Variants in MFSD2A observed in about 807,000 individuals in gnomAD.
The protein encoded by MFSD2A is MFSD2 lysolipid transporter A, lysophospholipid.
Under a neutral mutation model 64.7 loss-of-function variants are expected in MFSD2A, and 27 were observed. The ratio of observed to expected loss-of-function variants is 0.42; its 90% CI spans 0.31 to 0.58. The LOEUF (loss-of-function observed/expected upper bound fraction) is 0.58. Among genes scored for constraint, MFSD2A ranks in the 20% least tolerant of loss-of-function variants. MFSD2A has a pLI of 0.18. For missense variants in MFSD2A, 474 were observed against 679.5 expected, an observed-to-expected ratio of 0.70 and a Z score of 3.36; for synonymous variants, 258 against 273.4, an observed-to-expected ratio of 0.94 and a Z score of 0.55.
intron 3 of MFSD2A, among the ~76,000 whole-genome samples, chr1:39,959,214 ATCTT>A (rs1644985154): frequency 6.8e-6 from 1 of 147,580 alleles, no homozygotes; most frequent in South Asian, 2.2e-4. Context: ...TATTATTTTT[ATCTT>A]TCTTTCTCTT....
Position 39,955,336 on chromosome 1 carries a change from T to A in MFSD2A, c.44T>A (p.Leu15Gln). ...GCCGAGAGCGGCTCCGCGGCGGGGC[T>A]GCTACCCACCAGCATCCTCCAAAGC... Reference protein sequence around the residue: ...EGAESGSAAGLLPTSILQSTE... With the variant: ...EGAESGSAAGQLPTSILQSTE... Residue 15 changes from leucine (L) to glutamine (Q), a missense_variant, in exon 1 of 14, where the codon CTG (leucine) becomes CAG (glutamine). Physicochemically the swap from Leu to Gln is moderately radical, Grantham distance 113. Transcript: ENST00000372811. The surrounding 1 kb of genome is among the most constrained non-coding windows in gnomAD (Gnocchi z 5.9). The A allele has an allele frequency of 6.9e-7, 1 of 1,446,166 alleles. No individual in the cohort carries two copies. The highest frequency in any genetic ancestry group is 1.5e-5 in the South Asian group (1 of 65,756). 89.6% of individuals were successfully genotyped at this position (1,446,166 alleles called of 1,614,324 possible). A position where few individuals can be genotyped will look rare whatever the true frequency, so the allele number is the denominator to read the frequency against.
chr1:39,966,044 G>T, intron 6 of MFSD2A, 30 bp downstream of exon 6: 1 of 1,612,460 alleles, frequency 6.2e-7, no homozygotes, highest in Non-Finnish European at 8.5e-7. Context: ...AGGGATTTGG[G>T]GAGATAAGGA....
In MFSD2A at chr1:39,955,908, C is replaced by A; in HGVS notation, c.93+523C>A. On this transcript the variant is annotated intron_variant, in intron 1 of 13. Coordinates refer to ENST00000372811, the MANE Select transcript of MFSD2A (RefSeq NM_032793.5). This position sits in a 1 kb window ranked among gnomAD's most constrained non-coding sequence, Gnocchi z 5.9. ...TGTGGATGTTCGCGCGGGAACGGTGCTTTGCGCATCGAGACCATCGACCAC... is the reference window on the plus strand; with the variant it reads ...TGTGGATGTTCGCGCGGGAACGGTGATTTGCGCATCGAGACCATCGACCAC... The A allele has an allele frequency of 4.4e-6, 1 of 225,836 alleles. No individual in the cohort carries two copies. Among genetic ancestry groups the A allele is most frequent in the Non-Finnish European group, 9.2e-6 (1 of 108,442 alleles). 14.0% of individuals were successfully genotyped at this position (225,836 alleles called of 1,614,324 possible).
Position 39,965,537 on chromosome 1 carries a change from G to T in MFSD2A, c.544G>T (p.Ala182Ser). 6.2e-7 allele frequency: 1 copy of T among 1,614,024 alleles called. No homozygotes were observed. The highest frequency in any genetic ancestry group is 8.5e-7 in the Non-Finnish European group (1 of 1,179,988). The change falls in exon 5 of 14, where the codon GCC becomes TCC. Residue 182 changes from alanine (A) to serine (S), a missense_variant. Ala to Ser is a moderately conservative substitution (Grantham distance 99, BLOSUM62 1). Transcript: ENST00000372811. This position sits in a 1 kb window ranked among gnomAD's most constrained non-coding sequence, Gnocchi z 5.5. ...ISTEQTERDS[A>S]TAYRMTVEVL... is the part of the protein sequence containing the mutation. ...CACCGAGCAGACTGAGCGGGATTCTGCCACCGCCTATCGTGAGTCTCCCCA... is the reference window on the plus strand; with the variant it reads ...CACCGAGCAGACTGAGCGGGATTCTTCCACCGCCTATCGTGAGTCTCCCCA...
Position 39,964,817 on chromosome 1 carries a change from G to T in MFSD2A, c.354-394G>T, listed in dbSNP as rs1036588362. The T allele has an allele frequency of 8.2e-6, 2 of 243,154 alleles. No individual in the cohort carries two copies. The highest frequency in any genetic ancestry group is 5.1e-5 in the Admixed American group (1 of 19,656). 15.1% of individuals were successfully genotyped at this position (243,154 alleles called of 1,614,324 possible). ...TGAATGGGGTGTGTGTGTGAATGGG[G>T]TGTGTGTGTGCGGTTGATGACTATC... On this transcript the variant is annotated intron_variant, in intron 3 of 13. Transcript: ENST00000372811. This position sits in a 1 kb window ranked among gnomAD's most constrained non-coding sequence, Gnocchi z 4.1.
At position 39,963,306 on chromosome 1, in the gene MFSD2A, G is replaced by C. The variant is rs906274550; in HGVS notation, c.354-1905G>C. On this transcript the variant is annotated intron_variant, in intron 3 of 13. Transcript: ENST00000372811. The surrounding 1 kb of genome is among the most constrained non-coding windows in gnomAD (Gnocchi z 4.2). ...TAAGACCTACAGCTACCTGACCCCC[G>C]ACCTCTGGAAGGAGACTGTATTCAC... The C allele has an allele frequency of 1.5e-6, 2 of 1,316,096 alleles. No homozygotes were observed. The highest frequency in any genetic ancestry group is 2.1e-6 in the Non-Finnish European group (2 of 934,456). 81.5% of individuals were successfully genotyped at this position (1,316,096 alleles called of 1,614,324 possible).
chr1:39,963,390 G>A lies in MFSD2A; in HGVS notation c.354-1821G>A. 1.5e-6 allele frequency: 1 copy of A among 673,160 alleles called. No homozygotes were observed. Among genetic ancestry groups the A allele is most frequent in the South Asian group, 1.8e-5 (1 of 56,990 alleles). The allele number at this position is 673,160 out of a possible 1,614,324, so 41.7% of individuals were successfully genotyped here. On this transcript the variant is annotated intron_variant, in intron 3 of 13. Transcript: ENST00000372811. This position sits in a 1 kb window ranked among gnomAD's most constrained non-coding sequence, Gnocchi z 4.2. ...CATCAAGACCCACCAGGCTCCAGCT[G>A]TGGCTACAACATAGGGTTTTTATAC...
chr1:39,958,526 A>G lies in MFSD2A; in HGVS notation c.229-175A>G, dbSNP rs2124758394. ...CACCCAGTGCTACTGTTATTGGAGA[A>G]ATGCTATTGTCATTATTAACAAGGC... On this transcript the variant is annotated intron_variant, in intron 2 of 13. Coordinates refer to ENST00000372811, the MANE Select transcript of MFSD2A (RefSeq NM_032793.5). The surrounding 1 kb of genome is among the most constrained non-coding windows in gnomAD (Gnocchi z 4.7). 6.3e-6 allele frequency: 6 copies of G among 954,418 alleles called. No individual in the cohort carries two copies. The highest frequency in any genetic ancestry group is 4.6e-5 in the South Asian group (3 of 65,782). 59.1% of individuals were successfully genotyped at this position (954,418 alleles called of 1,614,324 possible).
At chr1:39,966,573 C>T (rs764368879) in intron 6 of MFSD2A, 28 bp from the exon 7 acceptor site, 1 of 1,587,472 alleles carries the variant, frequency 6.3e-7, no homozygotes, top group East Asian at 2.2e-5. Context: ...ACTGACCATC[C>T]TTGTATGTCG....
At chr1:39,956,983 T>G in intron 1 of MFSD2A, 104 bp from the exon 2 acceptor site, 5 of 1,131,130 alleles carry the variant, frequency 4.4e-6, no homozygotes, top group East Asian at 2.6e-5. Flanking sequence ...CAAAGCAGAG[T>G]TGTTTGTTCT....
intron 3 of MFSD2A, among the ~76,000 whole-genome samples, chr1:39,961,014 T>C (rs1042568858): frequency 6.6e-6 from 1 of 152,154 alleles, no homozygotes; most frequent in Non-Finnish European, 1.5e-5. Context: ...GGGGTCTGGC[T>C]ATGTTGCTCA....
chr1:39,965,647 G>A lies in MFSD2A; in HGVS notation c.556+98G>A, dbSNP rs2124775505. On this transcript the variant is annotated intron_variant, in intron 5 of 13. Transcript: ENST00000372811. This position sits in a 1 kb window ranked among gnomAD's most constrained non-coding sequence, Gnocchi z 5.5. Reference sequence around the variant, plus strand: ...GCTCTTTGCTCTGCTCTAGAGTGTGGGTGTGAAACCATCTTAAAAATAACT... The same window carrying A: ...GCTCTTTGCTCTGCTCTAGAGTGTGAGTGTGAAACCATCTTAAAAATAACT... 1.5e-6 allele frequency: 2 copies of A among 1,349,922 alleles called. No homozygotes were observed. Among genetic ancestry groups the A allele is most frequent in the African/African-American group, 1.4e-5 (1 of 69,322 alleles). 83.6% of individuals were successfully genotyped at this position (1,349,922 alleles called of 1,614,324 possible).
chr1:39,965,759 C>A lies in MFSD2A; in HGVS notation c.557-98C>A. The stretch of plus-strand genomic sequence containing the variant: ...ACCTACCCCACTACCTCTACCCACC[C>A]TGCCTGGAGCTACCGCTGGGCTCCC... On this transcript the variant is annotated intron_variant, in intron 5 of 13. Transcript: ENST00000372811. The surrounding 1 kb of genome is among the most constrained non-coding windows in gnomAD (Gnocchi z 5.5). 6.7e-7 allele frequency: 1 copy of A among 1,503,504 alleles called. No homozygotes were observed. Among genetic ancestry groups the A allele is most frequent in the Non-Finnish European group, 9.1e-7 (1 of 1,098,180 alleles). 93.1% of individuals were successfully genotyped at this position (1,503,504 alleles called of 1,614,324 possible).
rs747382364 is a variant in MFSD2A, at chr1:39,966,837, C to A, written c.832C>A (p.Pro278Thr). The A allele has an allele frequency of 6.2e-7, 1 of 1,614,052 alleles. No individual in the cohort carries two copies. Among genetic ancestry groups the A allele is most frequent in the Non-Finnish European group, 8.5e-7 (1 of 1,180,024 alleles). Reference protein sequence around the residue: ...REPYEAQQSEPIAYFRGLRLV... With the variant: ...REPYEAQQSETIAYFRGLRLV... ...ACCCTATGAAGCCCAGCAGTCTGAG[C>A]CAATCGCCTACTTCCGGGGCCTACG... Residue 278 changes from proline to threonine, a missense_variant, in exon 8 of 14, where the codon CCA becomes ACA. By Grantham distance (38) the Pro-to-Thr change is conservative. Transcript: ENST00000372811.
Position 39,964,212 on chromosome 1 carries a change from GTA to G in MFSD2A, c.354-992_354-991del, listed in dbSNP as rs1258843447. 1 of 152,210 alleles carries G rather than the reference GTA, an allele frequency of 6.6e-6. No individual in the cohort carries two copies. Among genetic ancestry groups the G allele is most frequent in the African/African-American group, 2.4e-5 (1 of 41,444 alleles). The allele number at this position is 152,210 out of a possible 1,614,324, so 9.4% of individuals were successfully genotyped here. A position where few individuals can be genotyped will look rare whatever the true frequency, so the allele number is the denominator to read the frequency against. The stretch of plus-strand genomic sequence containing the variant: ...TTTTATTCCTTATGAAGGTTGAATG[GTA>G]TATATAACTTTTAAATTATGTCAAC... On this transcript the variant is annotated intron_variant, in intron 3 of 13. Coordinates refer to ENST00000372811, the MANE Select transcript of MFSD2A (RefSeq NM_032793.5). This position sits in a 1 kb window ranked among gnomAD's most constrained non-coding sequence, Gnocchi z 4.1.
rs932413720 is a variant in MFSD2A at position 39,958,504 on chromosome 1, C to T, written c.229-197C>T. The stretch of plus-strand genomic sequence containing the variant: ...GCTGGGAAAGCTTCTAAGGAGGCAC[C>T]CAGTGCTACTGTTATTGGAGAAATG... On this transcript the variant is annotated intron_variant, in intron 2 of 13. Transcript: ENST00000372811. The surrounding 1 kb of genome is among the most constrained non-coding windows in gnomAD (Gnocchi z 4.7). Among the ~76,000 whole-genome samples, 1 of 152,030 alleles carries T rather than the reference C, an allele frequency of 6.6e-6. No homozygotes were observed. The highest frequency in any genetic ancestry group is 2.4e-5 in the African/African-American group (1 of 41,382).
At position 39,964,084 on chromosome 1, in the gene MFSD2A, T is replaced by C. The variant is rs546472318; in HGVS notation, c.354-1127T>C. 1 of 152,876 alleles carries C rather than the reference T, an allele frequency of 6.5e-6. No homozygotes were observed. Among genetic ancestry groups the C allele is most frequent in the Non-Finnish European group, 1.5e-5 (1 of 68,042 alleles). 9.5% of individuals were successfully genotyped at this position (152,876 alleles called of 1,614,324 possible). On this transcript the variant is annotated intron_variant, in intron 3 of 13. Transcript: ENST00000372811. This position sits in a 1 kb window ranked among gnomAD's most constrained non-coding sequence, Gnocchi z 4.1. ...CCATCACCACCATCCATCCATTACA[T>C]CCTTCCAAAGCGAAATTATGCAATA...
rs905445776 is a variant in MFSD2A, at chr1:39,960,364, T to C, written c.353+1539T>C. On this transcript the variant is annotated intron_variant, in intron 3 of 13. Coordinates refer to ENST00000372811, the MANE Select transcript of MFSD2A (RefSeq NM_032793.5). This position sits in a 1 kb window ranked among gnomAD's most constrained non-coding sequence, Gnocchi z 4.8. ...ACCCCTTCCCCCACTACAGCTTCCTTTCCCACGAGGCCCCCCACCCACCCC... is the reference window on the plus strand; with the variant it reads ...ACCCCTTCCCCCACTACAGCTTCCTCTCCCACGAGGCCCCCCACCCACCCC... 2.0e-5 allele frequency among the ~76,000 whole-genome samples: 3 copies of C among 152,206 alleles called. No homozygotes were observed. The highest frequency in any genetic ancestry group is 4.4e-5 in the Non-Finnish European group (3 of 68,040).
rs1284730884 is a variant in MFSD2A at position 39,960,995 on chromosome 1, G to T, written c.353+2170G>T. 1.3e-5 allele frequency among the ~76,000 whole-genome samples: 2 copies of T among 151,926 alleles called. No individual in the cohort carries two copies. The highest frequency in any genetic ancestry group is 1.3e-4 in the Admixed American group (2 of 15,272). Reference sequence around the variant, plus strand: ...CCTGTCCAAACTTTTTTTCCTTTTTGTGGTGAATGGGGTCTGGCTATGTTG... The same window carrying T: ...CCTGTCCAAACTTTTTTTCCTTTTTTTGGTGAATGGGGTCTGGCTATGTTG... On this transcript the variant is annotated intron_variant, in intron 3 of 13. Coordinates refer to ENST00000372811, the MANE Select transcript of MFSD2A (RefSeq NM_032793.5). This position sits in a 1 kb window ranked among gnomAD's most constrained non-coding sequence, Gnocchi z 4.8.
Sources: gnomAD v4.1 joint callset for allele counts (sites outside exome capture counted in the v4.1 genomes callset) on GRCh38, gnomAD v4.1.1 for gene constraint, Gnocchi (gnomAD v3.1) non-coding constraint, MANE v1.5 for transcripts, NCBI Gene and HGNC (gene_info 2026-07-23, HGNC 2026-07-21) for gene names.